The following TTLL1 variants were observed in gnomAD, a reference collection of about 807,000 sequenced individuals.
TTLL1 encodes the protein TTL family tubulin polyglutamylase complex subunit L1.
In TTLL1, 33 loss-of-function variants were observed where a neutral mutation model predicts 47.8. That is an observed-to-expected ratio of 0.69 (90% CI 0.52 to 0.92). The LOEUF is 0.92. TTLL1 is among the 40% of genes least tolerant of loss of function. The pLI is 0.00. For missense variants in TTLL1, 488 were observed against 547.5 expected (o/e 0.89, Z 1.08); for synonymous variants, 225 against 214.1 (o/e 1.05, Z -0.45).
At chr22:43,077,063 T>C (rs561017873) in intron 2 of TTLL1, among the ~76,000 whole-genome samples, 3 of 151,972 alleles carry the variant, frequency 2.0e-5, no homozygotes, top group Admixed American at 6.6e-5. Flanking sequence ...ATCGCACCAC[T>C]GCACTCCAGC....
intron 3 of TTLL1, among the ~76,000 whole-genome samples, chr22:43,073,634 G>T (rs1928281355): frequency 6.6e-6 from 1 of 151,912 alleles, no homozygotes; most frequent in Admixed American, 6.6e-5. Context: ...GGGATTACAG[G>T]CATGAGCCGC....
At chr22:43,082,047 T>G (rs1928930647) in intron 1 of TTLL1, among the ~76,000 whole-genome samples, 1 of 151,854 alleles carries the variant, frequency 6.6e-6, no homozygotes, top group African/African-American at 2.4e-5. Flanking sequence ...AGGCAGGGTT[T>G]CACCATGTTT....
At chr22:43,067,375 A>T (rs1927807589) in intron 5 of TTLL1, among the ~76,000 whole-genome samples, 1 of 152,154 alleles carries the variant, frequency 6.6e-6, no homozygotes, top group Non-Finnish European at 1.5e-5. Flanking sequence ...AGAACAAAAT[A>T]CGCTCAGCCA....
At chr22:43,068,707 C>G (rs1927911453) in intron 4 of TTLL1, 117 bp from the exon 5 acceptor site, 1 of 865,450 alleles carries the variant, frequency 1.2e-6, no homozygotes, top group South Asian at 3.6e-5. Flanking sequence ...CACCGCAACC[C>G]AGCAGCTAAC....
chr22:43,086,158 G>A (rs1487495728), intron 1 of TTLL1, among the ~76,000 whole-genome samples: 1 of 152,224 alleles, frequency 6.6e-6, no homozygotes, highest in Non-Finnish European at 1.5e-5. Flanking sequence ...GGGGTTAAGG[G>A]TACTGAGTAA....
At chr22:43,048,640 TA>T (rs374190686) in intron 9 of TTLL1, among the ~76,000 whole-genome samples, 2,886 of 134,166 alleles carry the variant, frequency 0.022, 83 homozygotes, top group African/African-American at 0.071. Flanking sequence ...CTTGGTCTCT[TA>T]AAAAAAAAAA....
chr22:43,075,943 G>A (rs1002569747), intron 2 of TTLL1, among the ~76,000 whole-genome samples: 26 of 152,174 alleles, frequency 1.7e-4, no homozygotes, highest in Non-Finnish European at 3.4e-4. Flanking sequence ...ATCACCACCC[G>A]GGAATGTTCA....
chr22:43,053,408 C>T (rs1406303959), intron 8 of TTLL1, among the ~76,000 whole-genome samples: 1 of 152,214 alleles, frequency 6.6e-6, no homozygotes, highest in Non-Finnish European at 1.5e-5. Flanking sequence ...AACTAAAAGC[C>T]TGGTATCCTC....
chr22:43,068,491 C>A lies in TTLL1; in HGVS notation c.422G>T (p.Gly141Val). The A allele has an allele frequency of 6.3e-7, 1 of 1,583,042 alleles. No homozygotes were observed. The highest frequency in any genetic ancestry group is 1.1e-5 in the South Asian group (1 of 88,052). Reference protein sequence around the residue: ...PSSTWIMKPCGKAQGKGIFLI... With the variant: ...PSSTWIMKPCVKAQGKGIFLI... The stretch of plus-strand genomic sequence containing the variant: ...GAAGATGCCCTTTCCCTGGGCCTTG[C>A]CACAAGGCTTCATGATCCAGGTGCT... Residue 141 changes from glycine (G) to valine (V), a missense_variant, in exon 5 of 11, where the codon GGC (glycine) becomes GTC (valine). Transcript: ENST00000266254.
intron 10 of TTLL1, among the ~76,000 whole-genome samples, chr22:43,040,842 C>T (rs957454553): frequency 2.6e-5 from 4 of 152,334 alleles, no homozygotes; most frequent in Non-Finnish European, 5.9e-5. Context: ...CCTGAATTTT[C>T]GTGTCTGGAA....
At chr22:43,079,697 C>T (rs926238260) in intron 2 of TTLL1, among the ~76,000 whole-genome samples, 1 of 152,358 alleles carries the variant, frequency 6.6e-6, no homozygotes, top group African/African-American at 2.4e-5. Flanking sequence ...GATTCTCACA[C>T]AGTGCTTCCC....
intron 5 of TTLL1, among the ~76,000 whole-genome samples, chr22:43,068,133 T>TA (rs78719049): frequency 0.31 from 43,679 of 141,530 alleles, 9,223 homozygotes; most frequent in East Asian, 0.79. Context: ...CATCTCTATT[T>TA]AAAAAAAAAA....
Position 43,075,666 on chromosome 22 carries a change from C to G in TTLL1, c.-4-76G>C. Reference sequence around the variant, plus strand: ...CTTTAAACCCAAGGAATCCTCTAAACAGCATGCCCATCCCAAACTCGATCT... The same window carrying G: ...CTTTAAACCCAAGGAATCCTCTAAAGAGCATGCCCATCCCAAACTCGATCT... On this transcript the variant is annotated intron_variant, in intron 2 of 10. Transcript: ENST00000266254. 3.9e-6 allele frequency: 5 copies of G among 1,284,586 alleles called. 1 individual carries two copies. In the South Asian group the frequency reaches 6.0e-5, roughly 15 times the overall value. 79.6% of individuals were successfully genotyped at this position (1,284,586 alleles called of 1,614,324 possible). A position where few individuals can be genotyped will look rare whatever the true frequency, so the allele number is the denominator to read the frequency against.
intron 10 of TTLL1, among the ~76,000 whole-genome samples, chr22:43,041,815 C>G (rs986619596): frequency 6.6e-6 from 1 of 152,126 alleles, no homozygotes; most frequent in Admixed American, 6.6e-5. Context: ...TGCGCCTGGC[C>G]GCATTTTCTG....
chr22:43,064,053 C>T, intron 6 of TTLL1, 132 bp from the exon 7 acceptor site: 1 of 1,492,276 alleles, frequency 6.7e-7, no homozygotes, highest in Non-Finnish European at 9.2e-7. Flanking sequence ...CCTGACTGCT[C>T]TTACTTCCCT....
intron 1 of TTLL1, among the ~76,000 whole-genome samples, chr22:43,086,955 C>A (rs1315343238): frequency 6.6e-6 from 1 of 152,200 alleles, no homozygotes; most frequent in Non-Finnish European, 1.5e-5. Context: ...GCCTACGAGG[C>A]CAGCCCTGCA....
In TTLL1 at chr22:43,044,296, G is replaced by A. The variant is rs537174028; in HGVS notation, c.1142+2114C>T. 1.2e-4 allele frequency among the ~76,000 whole-genome samples: 19 copies of A among 152,258 alleles called. No individual in the cohort carries two copies. In the South Asian group the frequency reaches 3.9e-3, roughly 32 times the overall value. On this transcript the variant is annotated intron_variant, in intron 10 of 10. Transcript: ENST00000266254. ...AAGTTCACAGCCACTACCCTGTAGA[G>A]GCCCCGAGGTTGCCGGCAAGCCCAG...
rs9620112 is a variant in TTLL1 at position 43,047,353 on chromosome 22, C to T, written c.979-780G>A. On this transcript the variant is annotated intron_variant, in intron 9 of 10. Coordinates refer to ENST00000266254, the MANE Select transcript of TTLL1 (RefSeq NM_012263.5). ...ACTCAAATGATGAATCCTTCCAACA[C>T]ATGGAAAGGTGGTCCCATAAGGCCT... is the stretch of plus-strand genomic sequence containing the variant. Among the ~76,000 whole-genome samples the T allele has an allele frequency of 3.0e-3, 453 of 152,312 alleles. 4 individuals carry two copies. Among genetic ancestry groups the T allele is most frequent in the African/African-American group, 0.01 (434 of 41,582 alleles).
intron 3 of TTLL1, among the ~76,000 whole-genome samples, chr22:43,071,120 T>C (rs1928093572): frequency 6.6e-6 from 1 of 152,104 alleles, no homozygotes; most frequent in Non-Finnish European, 1.5e-5. Flanking sequence ...ATTTGCCATG[T>C]TGCCCAGGCT....
Sources: allele counts gnomAD v4.1 joint callset (sites outside exome capture counted in the v4.1 genomes callset), GRCh38; gene constraint gnomAD v4.1.1; transcripts MANE v1.5; gene names NCBI Gene and HGNC (gene_info 2026-07-23, HGNC 2026-07-21).